Variants in SDCCAG8 observed in about 807,000 individuals in gnomAD.
The protein encoded by SDCCAG8 is serologically defined colon cancer antigen 8.
SDCCAG8 carries 74 observed loss-of-function variants against 101.8 expected under a neutral mutation model. The ratio of observed to expected loss-of-function variants is 0.73; its 90% CI spans 0.60 to 0.88. SDCCAG8 has a LOEUF of 0.88. Ranked by LOEUF, SDCCAG8 falls within the 40% of genes least tolerant of loss-of-function variation. The probability of loss-of-function intolerance (pLI) is 0.00; values close to 1 mark genes in which losing one functional copy is unlikely to be tolerated. For synonymous variants in SDCCAG8, 281 were observed against 292.9 expected (o/e 0.96, Z 0.41); for missense variants, 787 against 822.6 (o/e 0.96, Z 0.53).
chr1:243,341,625 T>C (rs2147783705), intron 11 of SDCCAG8, among the ~76,000 whole-genome samples: 1 of 152,348 alleles, frequency 6.6e-6, no homozygotes, highest in East Asian at 1.9e-4. Flanking sequence ...AATCTTCCAC[T>C]TCCTTTTCCT....
intron 12 of SDCCAG8, among the ~76,000 whole-genome samples, chr1:243,375,260 A>T (rs941187475): frequency 6.6e-6 from 1 of 152,138 alleles, no homozygotes; most frequent in African/African-American, 2.4e-5. Flanking sequence ...CATCAGAAGA[A>T]CTAATGGTGC....
intron 5 of SDCCAG8, among the ~76,000 whole-genome samples, chr1:243,288,942 G>A (rs935870226): frequency 1.3e-5 from 2 of 151,308 alleles, no homozygotes; most frequent in Non-Finnish European, 2.9e-5. Flanking sequence ...AGGAGGCAGA[G>A]CTTGCAGTGA....
At chr1:243,444,777 T>C (rs1323236010) in intron 16 of SDCCAG8, among the ~76,000 whole-genome samples, 1 of 152,252 alleles carries the variant, frequency 6.6e-6, no homozygotes, top group Admixed American at 6.5e-5. Flanking sequence ...AAGTTAATAC[T>C]GAATATTATT....
At chr1:243,356,766 G>A (rs1270148654) in intron 12 of SDCCAG8, among the ~76,000 whole-genome samples, 9 of 151,808 alleles carry the variant, frequency 5.9e-5, no homozygotes, top group African/African-American at 1.2e-4. Context: ...CAGGAGAATC[G>A]TTGAGCCCAG....
chr1:243,451,458 T>G (rs1357457525), intron 16 of SDCCAG8, among the ~76,000 whole-genome samples: 3 of 152,214 alleles, frequency 2.0e-5, no homozygotes, highest in African/African-American at 7.2e-5. Flanking sequence ...AACTTTCTAA[T>G]TCTTTGCCTT....
intron 16 of SDCCAG8, among the ~76,000 whole-genome samples, chr1:243,436,408 G>A (rs185909339): frequency 6.6e-6 from 1 of 152,158 alleles, no homozygotes; most frequent in East Asian, 1.9e-4. Flanking sequence ...GTTACGTTTT[G>A]TGAAGGGTGT....
intron 3 of SDCCAG8, among the ~76,000 whole-genome samples, chr1:243,273,713 G>A (rs1352679378): frequency 6.6e-6 from 1 of 152,200 alleles, no homozygotes; most frequent in Non-Finnish European, 1.5e-5. Context: ...CGGAGCTGCT[G>A]CAGTTTTAGC....
At chr1:243,340,881 A>C (rs2075344414) in intron 10 of SDCCAG8, among the ~76,000 whole-genome samples, 158 bp from the exon 11 acceptor site, 1 of 152,222 alleles carries the variant, frequency 6.6e-6, no homozygotes, top group South Asian at 2.1e-4. Context: ...CACTGGGCAT[A>C]GGTGAATAGA....
At chr1:243,316,703 G>A in intron 8 of SDCCAG8, 52 bp from the exon 9 acceptor site, 1 of 1,611,320 alleles carries the variant, frequency 6.2e-7, no homozygotes, top group Non-Finnish European at 8.5e-7. Flanking sequence ...GACTTATGAG[G>A]ACAGGATCGT....
chr1:243,297,852 T>A (rs2071083980), intron 6 of SDCCAG8, among the ~76,000 whole-genome samples: 2 of 152,174 alleles, frequency 1.3e-5, no homozygotes, highest in African/African-American at 4.8e-5. Flanking sequence ...AGTATACATA[T>A]TATAAATATA....
intron 9 of SDCCAG8, among the ~76,000 whole-genome samples, chr1:243,327,311 TATAGA>T (rs2074229648): frequency 6.9e-6 from 1 of 145,740 alleles, no homozygotes; most frequent in Non-Finnish European, 1.5e-5. Flanking sequence ...TTTATAATTT[TATAGA>T]AATTAAAATT....
At chr1:243,472,528 TTAAAAATG>T (rs1661473100) in intron 16 of SDCCAG8, among the ~76,000 whole-genome samples, 2 of 152,152 alleles carry the variant, frequency 1.3e-5, no homozygotes, top group South Asian at 4.1e-4. Context: ...AGCATCCAGG[TTAAAAATG>T]AATTCACTTA....
chr1:243,367,547 T>C (rs892702855), intron 12 of SDCCAG8, among the ~76,000 whole-genome samples: 1 of 151,948 alleles, frequency 6.6e-6, no homozygotes, highest in Non-Finnish European at 1.5e-5. Flanking sequence ...TCAGAAACAG[T>C]GGGTGATCTT....
intron 10 of SDCCAG8, among the ~76,000 whole-genome samples, chr1:243,332,790 C>T (rs890141605): frequency 2.9e-5 from 4 of 138,664 alleles, no homozygotes; most frequent in African/African-American, 5.4e-5. Context: ...ATCGTGGTCC[C>T]GGTCTGGAGG....
intron 16 of SDCCAG8, among the ~76,000 whole-genome samples, chr1:243,429,248 CTT>C (rs1430266993): frequency 6.6e-6 from 1 of 152,098 alleles, no homozygotes; most frequent in Non-Finnish European, 1.5e-5. Flanking sequence ...AGTATTTTCT[CTT>C]ATGATTTTCT....
At chr1:243,314,789 A>G (rs1343770120) in intron 8 of SDCCAG8, among the ~76,000 whole-genome samples, 1 of 152,124 alleles carries the variant, frequency 6.6e-6, no homozygotes, top group Non-Finnish European at 1.5e-5. Flanking sequence ...AGCTCACTGC[A>G]ACTTCCACCT....
chr1:243,382,545 A>G (rs1239662105), intron 13 of SDCCAG8, among the ~76,000 whole-genome samples: 2 of 152,240 alleles, frequency 1.3e-5, no homozygotes, highest in Non-Finnish European at 2.9e-5. Flanking sequence ...TGAGTTGAAT[A>G]TGGTCCTCAA....
At chr1:243,491,839 T>C (rs1666493118) in intron 17 of SDCCAG8, among the ~76,000 whole-genome samples, 1 of 152,234 alleles carries the variant, frequency 6.6e-6, no homozygotes, top group African/African-American at 2.4e-5. Context: ...GCTGTCCTCA[T>C]GTCCGGGTTA....
chr1:243,445,829 G>T (rs1015824659), intron 16 of SDCCAG8, among the ~76,000 whole-genome samples: 1 of 152,122 alleles, frequency 6.6e-6, no homozygotes, highest in Non-Finnish European at 1.5e-5. Context: ...TGTGTTGGGG[G>T]GTGGAAATTC....
Sources: gnomAD v4.1 joint callset for allele counts (sites outside exome capture counted in the v4.1 genomes callset) on GRCh38, gnomAD v4.1.1 for gene constraint, MANE v1.5 for transcripts, NCBI Gene and HGNC (gene_info 2026-07-23, HGNC 2026-07-21) for gene names.